DLG2: variants seen among roughly 807,000 people sequenced by gnomAD.
DLG2 encodes the protein discs large MAGUK scaffold protein 2.
In DLG2, 45 loss-of-function variants were observed where a neutral mutation model predicts 132.5. That is an observed-to-expected ratio of 0.34 (90% CI 0.27 to 0.44). The LOEUF (loss-of-function observed/expected upper bound fraction) is 0.44, where lower values mean the gene tolerates loss of function less well. DLG2 is among the 20% of genes least tolerant of loss of function. DLG2 has a pLI of 1.00. For missense variants in DLG2, 1,045 were observed against 1,196.9 expected, an observed-to-expected ratio of 0.87 and a Z score of 1.87; for synonymous variants, 424 against 419.6, an observed-to-expected ratio of 1.01 and a Z score of -0.13.
At chr11:83,877,973 A>C (rs532116792) in intron 15 of DLG2, among the ~76,000 whole-genome samples, 48 of 152,188 alleles carry the variant, frequency 3.2e-4, no homozygotes, top group Non-Finnish European at 5.7e-4. Context: ...GTGTAGAGTT[A>C]CCATCGCTAA....
At chr11:83,579,656 A>C (rs964734007) in intron 19 of DLG2, among the ~76,000 whole-genome samples, 4 of 151,948 alleles carry the variant, frequency 2.6e-5, no homozygotes, top group African/African-American at 9.7e-5. Flanking sequence ...AATGAATTTG[A>C]AAAAAAATAA....
chr11:83,813,369 T>C (rs913724843), intron 17 of DLG2, among the ~76,000 whole-genome samples: 5 of 152,214 alleles, frequency 3.3e-5, no homozygotes, highest in East Asian at 3.9e-4. Flanking sequence ...GAAACAAAGA[T>C]TGTTTATAGG....
chr11:83,727,601 C>A (rs973703032), intron 18 of DLG2, among the ~76,000 whole-genome samples: 1 of 152,180 alleles, frequency 6.6e-6, no homozygotes, highest in African/African-American at 2.4e-5. Context: ...TGTGACTTTT[C>A]CAAAGCTCCC....
At chr11:83,761,356 A>G (rs1009373217) in intron 18 of DLG2, among the ~76,000 whole-genome samples, 8 of 152,220 alleles carry the variant, frequency 5.3e-5, no homozygotes, top group Admixed American at 1.3e-4. Flanking sequence ...TCCTATGTTA[A>G]ATTCTCCACA....
chr11:85,261,208 G>A (rs947241680), intron 4 of DLG2, among the ~76,000 whole-genome samples: 3 of 152,142 alleles, frequency 2.0e-5, no homozygotes, highest in Non-Finnish European at 2.9e-5. Context: ...TCATGCTGGA[G>A]GGGCTACATG....
chr11:85,066,332 T>G (rs755253185), intron 6 of DLG2, among the ~76,000 whole-genome samples: 1 of 151,438 alleles, frequency 6.6e-6, no homozygotes, highest in Non-Finnish European at 1.5e-5. Flanking sequence ...AAAAGACCAG[T>G]GACAGAGGGA....
At chr11:84,127,274 G>T (rs2094216804) in intron 9 of DLG2, among the ~76,000 whole-genome samples, 1 of 152,112 alleles carries the variant, frequency 6.6e-6, no homozygotes, top group Non-Finnish European at 1.5e-5. Context: ...GACTAGGATT[G>T]AACTCTCAGC....
chr11:84,137,398 T>C (rs1443009014), intron 9 of DLG2, among the ~76,000 whole-genome samples: 4 of 152,098 alleles, frequency 2.6e-5, no homozygotes, highest in Non-Finnish European at 5.9e-5. Flanking sequence ...GTTTCGGCAA[T>C]GCTGGAGGGC....
intron 8 of DLG2, chr11:84,166,914 T>C (rs778994017): frequency 1.9e-6 from 1 of 533,110 alleles, no homozygotes. Context: ...CCGAATACAT[T>C]TTTTTTCTTG....
intron 7 of DLG2, among the ~76,000 whole-genome samples, chr11:84,475,199 T>TGGA (rs1337918572): frequency 3.3e-5 from 5 of 152,132 alleles, no homozygotes; most frequent in Admixed American, 3.3e-4. Flanking sequence ...ACGTCTGTCT[T>TGGA]TCCTTCTCCA....
At chr11:85,548,452 A>T (rs532147883) in intron 3 of DLG2, among the ~76,000 whole-genome samples, 28 of 152,322 alleles carry the variant, frequency 1.8e-4, no homozygotes, top group African/African-American at 6.5e-4. Flanking sequence ...TCTCCCAGTC[A>T]GGATACACGG....
chr11:83,764,915 TA>T (rs1331939621), intron 18 of DLG2, among the ~76,000 whole-genome samples: 1 of 152,242 alleles, frequency 6.6e-6, no homozygotes. Context: ...TGCAGAATGA[TA>T]GGCTGATAGG....
intron 7 of DLG2, among the ~76,000 whole-genome samples, chr11:84,497,753 T>A (rs1419832664): frequency 6.6e-6 from 1 of 152,172 alleles, no homozygotes; most frequent in African/African-American, 2.4e-5. Context: ...AAATAACTAA[T>A]CATCTCTTAT....
chr11:85,339,457 T>G (rs1420937365), intron 3 of DLG2, among the ~76,000 whole-genome samples: 6 of 152,354 alleles, frequency 3.9e-5, no homozygotes. Flanking sequence ...AGAAGGGTTA[T>G]ATCAATTTGC....
At chr11:85,421,907 T>C (rs1381887286) in intron 3 of DLG2, among the ~76,000 whole-genome samples, 4 of 152,130 alleles carry the variant, frequency 2.6e-5, no homozygotes, top group African/African-American at 9.7e-5. Flanking sequence ...TCAGCATTTG[T>C]TTTTCCGAAA....
chr11:84,086,972 T>C (rs553075756), intron 10 of DLG2, among the ~76,000 whole-genome samples: 3 of 152,356 alleles, frequency 2.0e-5, no homozygotes, highest in South Asian at 4.1e-4. Context: ...GTTTCATTAA[T>C]GTTGTGCCAT....
chr11:83,848,124 CTTTT>C (rs34648391), intron 16 of DLG2, among the ~76,000 whole-genome samples: 6 of 132,832 alleles, frequency 4.5e-5, no homozygotes, highest in Non-Finnish European at 4.7e-5. Flanking sequence ...TCCCCCACAC[CTTTT>C]TTTTTTTTTT....
intron 3 of DLG2, among the ~76,000 whole-genome samples, chr11:85,311,341 AC>A (rs900244017): frequency 2.0e-5 from 3 of 152,154 alleles, no homozygotes; most frequent in Non-Finnish European, 4.4e-5. Flanking sequence ...GTTAATCTTC[AC>A]AAACATTCTT....
intron 6 of DLG2, among the ~76,000 whole-genome samples, chr11:84,643,667 G>A (rs2154545530): frequency 6.6e-6 from 1 of 152,188 alleles, no homozygotes; most frequent in Middle Eastern, 3.4e-3. Flanking sequence ...AATTGCTTTG[G>A]GTTTTCTGTT....
Sources: gnomAD v4.1 joint callset for allele counts (sites outside exome capture counted in the v4.1 genomes callset) on GRCh38, gnomAD v4.1.1 for gene constraint, MANE v1.5 for transcripts, NCBI Gene and HGNC (gene_info 2026-07-23, HGNC 2026-07-21) for gene names.